The following CHN2 variants were observed in gnomAD, a reference collection of about 807,000 sequenced individuals.
CHN2 encodes the protein beta-chimaerin.
Under a neutral mutation model 56.3 loss-of-function variants are expected in CHN2, and 35 were observed. The ratio of observed to expected loss-of-function variants is 0.62; its 90% confidence interval spans 0.47 to 0.82. The LOEUF is 0.82. Among genes scored for constraint, CHN2 ranks in the 40% least tolerant of loss-of-function variants. The probability of loss-of-function intolerance (pLI) is 0.00; values close to 1 mark genes in which losing one functional copy is unlikely to be tolerated. For synonymous variants in CHN2, 210 were observed against 212.8 expected, an observed-to-expected ratio of 0.99 and a Z score of 0.12; for missense variants, 491 against 580.5, an observed-to-expected ratio of 0.85 and a Z score of 1.58.
chr7:29,247,704 C>A (rs555993992), intron 1 of CHN2, among the ~76,000 whole-genome samples: 5 of 152,242 alleles, frequency 3.3e-5, no homozygotes, highest in Non-Finnish European at 7.3e-5. Context: ...TCACAGCCAG[C>A]CTTGACCTTG....
chr7:29,164,641 C>T (rs1795654054), intron 2 of CHN2, among the ~76,000 whole-genome samples: 1 of 151,740 alleles, frequency 6.6e-6, no homozygotes, highest in Admixed American at 6.6e-5. Flanking sequence ...ATTAGCCACG[C>T]GTGGTGGCAT....
At chr7:29,232,253 T>A (rs947294125) in intron 1 of CHN2, among the ~76,000 whole-genome samples, 1 of 152,106 alleles carries the variant, frequency 6.6e-6, no homozygotes. Flanking sequence ...AATGACACTT[T>A]AAAATAATAA....
chr7:29,475,730 T>C (rs1479905044), intron 6 of CHN2, among the ~76,000 whole-genome samples: 2 of 152,204 alleles, frequency 1.3e-5, no homozygotes, highest in East Asian at 3.8e-4. Flanking sequence ...AAATGCACCT[T>C]GAAACATGCT....
intron 1 of CHN2, among the ~76,000 whole-genome samples, chr7:29,297,812 A>C (rs1793307541): frequency 6.6e-6 from 1 of 152,070 alleles, no homozygotes; most frequent in African/African-American, 2.4e-5. Context: ...AAACAGAGAC[A>C]CGATTACCTA....
In CHN2 at chr7:29,189,441, C is replaced by T. The variant is rs1054273426; in HGVS notation, c.274+42481C>T. Among the ~76,000 whole-genome samples, 14 of 152,246 alleles carry T rather than the reference C, an allele frequency of 9.2e-5. No individual in the cohort carries two copies. The East Asian group carries it at 2.7e-3, about 29-fold the overall frequency. On this transcript the variant is annotated intron_variant, in intron 2 of 6. Transcript: ENST00000439384. ...GAGCATAAAGCCATAGGAACCCCCG[C>T]AGAAGACACGAAAAACAAACTCACT... is the stretch of plus-strand genomic sequence containing the variant.
chr7:29,361,073 A>T (rs1585159199), intron 2 of CHN2, among the ~76,000 whole-genome samples: 1 of 152,196 alleles, frequency 6.6e-6, no homozygotes, highest in Non-Finnish European at 1.5e-5. Flanking sequence ...AATTCCTGGC[A>T]CATATTTGGG....
chr7:29,468,969 G>A (rs953859171), intron 6 of CHN2, among the ~76,000 whole-genome samples: 1 of 152,076 alleles, frequency 6.6e-6, no homozygotes, highest in African/African-American at 2.4e-5. Flanking sequence ...TGTCTCTTCA[G>A]GAACCTCAGG....
At chr7:29,304,062 GAA>G (rs5883200) in intron 1 of CHN2, among the ~76,000 whole-genome samples, 39,923 of 148,770 alleles carry the variant, frequency 0.27, 5,765 homozygotes, top group Non-Finnish European at 0.32. Flanking sequence ...ATCATCTCAA[GAA>G]AAAAAAAAAA....
intron 1 of CHN2, among the ~76,000 whole-genome samples, chr7:29,205,592 G>A (rs1033914613): frequency 1.3e-5 from 2 of 152,110 alleles, no homozygotes; most frequent in African/African-American, 4.8e-5. Context: ...CTCAGAACTC[G>A]TGATCTTCTA....
chr7:29,274,324 T>G (rs182825749), intron 1 of CHN2, among the ~76,000 whole-genome samples: 25 of 152,328 alleles, frequency 1.6e-4, no homozygotes, highest in Admixed American at 3.9e-4. Flanking sequence ...GCACAACACA[T>G]ACGTTTTTCC....
chr7:29,443,162 G>C (rs371672173), intron 6 of CHN2, among the ~76,000 whole-genome samples: 3 of 151,424 alleles, frequency 2.0e-5, no homozygotes, highest in African/African-American at 7.3e-5. Flanking sequence ...GGATGGTCTC[G>C]ATCTCCTGAC....
intron 1 of CHN2, 53 bp from the exon 2 acceptor site, chr7:29,354,572 G>A: frequency 6.6e-7 from 1 of 1,510,378 alleles, no homozygotes; most frequent in Non-Finnish European, 9.1e-7. Flanking sequence ...GACACATGTT[G>A]ACAGCTTGAC....
intron 6 of CHN2, among the ~76,000 whole-genome samples, chr7:29,446,505 C>T (rs1784043394): frequency 6.6e-6 from 1 of 152,114 alleles, no homozygotes; most frequent in South Asian, 2.1e-4. Flanking sequence ...TCTGCGATTG[C>T]CCCAGCTGAC....
intron 1 of CHN2, among the ~76,000 whole-genome samples, chr7:29,292,110 TTATCTG>T: frequency 6.6e-6 from 1 of 152,296 alleles, no homozygotes; most frequent in African/African-American, 2.4e-5. Flanking sequence ...TATCCACACT[TTATCTG>T]TAGGAGTATC....
chr7:29,466,761 A>G (rs1785584532), intron 6 of CHN2, among the ~76,000 whole-genome samples: 1 of 152,202 alleles, frequency 6.6e-6, no homozygotes, highest in Non-Finnish European at 1.5e-5. Context: ...TTCAGTTTCT[A>G]GTTTTGTTTG....
At chr7:29,398,338 G>A (rs1801931427) in intron 4 of CHN2, 35 bp from the exon 5 acceptor site, 1 of 1,465,734 alleles carries the variant, frequency 6.8e-7, no homozygotes, top group Admixed American at 1.7e-5. Context: ...TCTGTATGTG[G>A]TCTGTTCAGA....
At chr7:29,308,400 A>G (rs570531684) in intron 1 of CHN2, among the ~76,000 whole-genome samples, 2 of 152,208 alleles carry the variant, frequency 1.3e-5, no homozygotes, top group African/African-American at 4.8e-5. Context: ...TTACAACCCA[A>G]TATCCTAGTG....
At chr7:29,231,176 G>C (rs1013213963) in intron 1 of CHN2, among the ~76,000 whole-genome samples, 1 of 152,212 alleles carries the variant, frequency 6.6e-6, no homozygotes. Flanking sequence ...GTACATCACT[G>C]TGTATCTGCT....
intron 6 of CHN2, chr7:29,480,001 C>G: frequency 6.7e-7 from 1 of 1,494,648 alleles, no homozygotes; most frequent in South Asian, 1.4e-5. Flanking sequence ...AGACAGGACC[C>G]AGCTGCCTCA....
Sources: allele counts gnomAD v4.1 joint callset (sites outside exome capture counted in the v4.1 genomes callset), GRCh38; gene constraint gnomAD v4.1.1; transcripts MANE v1.5; gene names NCBI Gene and HGNC (gene_info 2026-07-23, HGNC 2026-07-21).